Variants in NALCN observed in about 807,000 individuals in gnomAD.
NALCN encodes the protein sodium leak channel, non-selective, also known as sodium leak channel NALCN.
NALCN carries 111 observed loss-of-function variants against 225.3 expected under a neutral mutation model. The ratio of observed to expected loss-of-function variants is 0.49; its 90% CI spans 0.42 to 0.58. The LOEUF (loss-of-function observed/expected upper bound fraction) is 0.58, where lower values mean the gene tolerates loss of function less well. Ranked by LOEUF, NALCN falls within the 20% of genes least tolerant of loss-of-function variation. The probability of loss-of-function intolerance (pLI) is 0.00; values close to 1 mark genes in which losing one functional copy is unlikely to be tolerated. For synonymous variants in NALCN, 764 were observed against 769.0 expected (o/e 0.99, Z 0.11); for missense variants, 1,378 against 2,202.4 (o/e 0.63, Z 7.49).
chr13:101,340,387 G>C (rs967426001), intron 7 of NALCN, among the ~76,000 whole-genome samples: 1 of 152,190 alleles, frequency 6.6e-6, no homozygotes, highest in Non-Finnish European at 1.5e-5. Context: ...CAGATGCAGT[G>C]TGTGAGTGTG....
At position 101,410,257 on chromosome 13, in the gene NALCN, C is replaced by T. The variant is rs1370898182; in HGVS notation, c.-40+6056G>A. ...ACAGGACATTGTATTTTTTTAAAAACATCTTCAGGTGATCCCTGCACACCT... is the reference window on the plus strand; with the variant it reads ...ACAGGACATTGTATTTTTTTAAAAATATCTTCAGGTGATCCCTGCACACCT... On this transcript the variant is annotated intron_variant, in intron 1 of 43. Coordinates refer to ENST00000251127, the MANE Select transcript of NALCN (RefSeq NM_052867.4). Among the ~76,000 whole-genome samples, 4 of 152,252 alleles carry T rather than the reference C, an allele frequency of 2.6e-5. No homozygotes were observed. The Middle Eastern group carries it at 0.01, about 388-fold the overall frequency.
rs187482440 is a variant in NALCN, at chr13:101,120,536, C to T, written c.2192+4072G>A. ...TGCCAAACTTAAAAAAAAAAAAAAA[C>T]CACTATAAAAGTCAGTTGTATTTGT... On this transcript the variant is annotated intron_variant, in intron 18 of 43. Coordinates refer to ENST00000251127, the MANE Select transcript of NALCN (RefSeq NM_052867.4). Among the ~76,000 whole-genome samples, 1,177 of 147,372 alleles carry T rather than the reference C, an allele frequency of 8.0e-3. 16 individuals carry two copies. The highest frequency in any genetic ancestry group is 0.029 in the Admixed American group (435 of 14,842).
chr13:101,274,269 A>C (rs150988579), intron 10 of NALCN, among the ~76,000 whole-genome samples: 1 of 152,370 alleles, frequency 6.6e-6, no homozygotes, highest in East Asian at 1.9e-4. Context: ...AATCAAGCTC[A>C]ATGTCCATCG....
intron 15 of NALCN, among the ~76,000 whole-genome samples, chr13:101,145,659 T>C (rs966536664): frequency 9.2e-5 from 14 of 152,320 alleles, no homozygotes; most frequent in Admixed American, 9.2e-4. Flanking sequence ...TATACTTTCC[T>C]ATGCTCTCTT....
intron 7 of NALCN, among the ~76,000 whole-genome samples, chr13:101,336,036 TAA>T (rs1265953028): frequency 5.3e-5 from 8 of 152,056 alleles, no homozygotes; most frequent in African/African-American, 1.4e-4. Flanking sequence ...TCAGATGTAA[TAA>T]GAGGCAAATT....
chr13:101,072,945 C>T (rs1332961186), intron 37 of NALCN, among the ~76,000 whole-genome samples: 2 of 152,152 alleles, frequency 1.3e-5, no homozygotes, highest in African/African-American at 4.8e-5. Flanking sequence ...CAGCATTGGT[C>T]TGTCCTACGG....
At chr13:101,162,567 TAA>T (rs1266544892) in intron 15 of NALCN, among the ~76,000 whole-genome samples, 1 of 152,194 alleles carries the variant, frequency 6.6e-6, no homozygotes, top group Non-Finnish European at 1.5e-5. Context: ...AACACAACTA[TAA>T]GAGTGCCTTT....
chr13:101,363,268 T>C (rs1310878831), intron 6 of NALCN, among the ~76,000 whole-genome samples: 1 of 151,902 alleles, frequency 6.6e-6, no homozygotes, highest in African/African-American at 2.4e-5. Context: ...CACAAAAGAT[T>C]CTGAATAGCC....
chr13:101,257,415 T>C (rs1566494454), intron 11 of NALCN, among the ~76,000 whole-genome samples: 1 of 152,184 alleles, frequency 6.6e-6, no homozygotes, highest in Non-Finnish European at 1.5e-5. Context: ...GCTCGTTAGG[T>C]ACATGCAATC....
At chr13:101,313,271 G>T (rs1158282084) in intron 7 of NALCN, among the ~76,000 whole-genome samples, 1 of 151,972 alleles carries the variant, frequency 6.6e-6, no homozygotes, top group Non-Finnish European at 1.5e-5. Context: ...CATAGGCATG[G>T]GCAAAGACTT....
At chr13:101,131,892 A>AT (rs1393886579) in intron 17 of NALCN, among the ~76,000 whole-genome samples, 1 of 152,008 alleles carries the variant, frequency 6.6e-6, no homozygotes, top group African/African-American at 2.4e-5. Context: ...AGGCTCCTTA[A>AT]TTTTTTCTTG....
At chr13:101,194,470 GAGATTTTTATCCAGAAATTTA>G (rs1473427910) in intron 13 of NALCN, among the ~76,000 whole-genome samples, 1 of 152,142 alleles carries the variant, frequency 6.6e-6, no homozygotes, top group Non-Finnish European at 1.5e-5. Flanking sequence ...CAGTTTTGTG[GAGATTTTTATCCAGAAATTTA>G]AATTCAAATG....
chr13:101,265,383 T>C (rs2042563716), intron 10 of NALCN, among the ~76,000 whole-genome samples: 1 of 152,070 alleles, frequency 6.6e-6, no homozygotes, highest in Non-Finnish European at 1.5e-5. Flanking sequence ...TTGCTTTGTG[T>C]CCAAAAGTGT....
At chr13:101,368,015 T>TATC (rs2046426472) in intron 6 of NALCN, among the ~76,000 whole-genome samples, 1 of 144,052 alleles carries the variant, frequency 6.9e-6, no homozygotes, top group African/African-American at 2.9e-5. Context: ...ATTTTATTAT[T>TATC]ATTATACTTT....
Position 101,104,767 on chromosome 13 carries a change from C to T in NALCN, c.2637-117G>A. The T allele has an allele frequency of 1.3e-6, 2 of 1,546,824 alleles. No homozygotes were observed. Among genetic ancestry groups the T allele is most frequent in the Non-Finnish European group, 1.8e-6 (2 of 1,130,092 alleles). ...TGACTGGTATTTTAAAAACATCATT[C>T]CCCAATCATCTATTTCATAGCACTA... On this transcript the variant is annotated intron_variant, in intron 23 of 43. Coordinates refer to ENST00000251127, the MANE Select transcript of NALCN (RefSeq NM_052867.4). The surrounding 1 kb of genome is among the most constrained non-coding windows in gnomAD (Gnocchi z 4.2).
In NALCN at chr13:101,249,295, A is replaced by G. The variant is rs187025766; in HGVS notation, c.1266+9148T>C. On this transcript the variant is annotated intron_variant, in intron 11 of 43. Coordinates refer to ENST00000251127, the MANE Select transcript of NALCN (RefSeq NM_052867.4). Reference sequence around the variant, plus strand: ...AATCAAACCATAAAATAAGTCATTAATCAAGATCTCTCTTCTCCCTTTCTC... The same window carrying G: ...AATCAAACCATAAAATAAGTCATTAGTCAAGATCTCTCTTCTCCCTTTCTC... Among the ~76,000 whole-genome samples the G allele has an allele frequency of 2.9e-3, 449 of 152,318 alleles. 8 individuals carry two copies. The highest frequency in any genetic ancestry group is 5.3e-3 in the Non-Finnish European group (361 of 68,018).
chr13:101,194,617 T>C (rs1242658047), intron 13 of NALCN, among the ~76,000 whole-genome samples: 1 of 152,178 alleles, frequency 6.6e-6, no homozygotes, highest in Admixed American at 6.5e-5. Flanking sequence ...GTTTGATGCA[T>C]TGGGGATTGA....
chr13:101,143,226 G>A lies in NALCN; in HGVS notation c.1977-5C>T, dbSNP rs1195558996. The A allele has an allele frequency of 6.2e-7, 1 of 1,604,454 alleles. No homozygotes were observed. On this transcript the variant is annotated splice_polypyrimidine_tract_variant and splice_region_variant and intron_variant, in intron 16 of 43. Transcript: ENST00000251127. Reference sequence around the variant, plus strand: ...AACTGCTTCATAAAACTCTCCCTTTGCAAATGAAGTATATGTGCATCAGGC... The same window carrying A: ...AACTGCTTCATAAAACTCTCCCTTTACAAATGAAGTATATGTGCATCAGGC...
At chr13:101,162,219 T>C (rs926866481) in intron 15 of NALCN, among the ~76,000 whole-genome samples, 7 of 152,188 alleles carry the variant, frequency 4.6e-5, no homozygotes, top group African/African-American at 1.7e-4. Flanking sequence ...CTTTACACAG[T>C]TAGGAATTAT....
Sources: allele counts gnomAD v4.1 joint callset (sites outside exome capture counted in the v4.1 genomes callset), GRCh38; gene constraint gnomAD v4.1.1; non-coding constraint Gnocchi (gnomAD v3.1); transcripts MANE v1.5; gene names NCBI Gene and HGNC (gene_info 2026-07-23, HGNC 2026-07-21).